Variants in WNT7B observed in about 807,000 individuals in gnomAD.
WNT7B encodes the protein protein Wnt-7b.
Under a neutral mutation model 38.2 loss-of-function variants are expected in WNT7B, and 19 were observed. The observed-to-expected ratio is 0.50, with a 90% CI of 0.35 to 0.73. The LOEUF (loss-of-function observed/expected upper bound fraction) is 0.73, where lower values mean the gene tolerates loss of function less well. Among genes scored for constraint, WNT7B ranks in the 30% least tolerant of loss-of-function variants. The pLI is 0.01. For missense variants in WNT7B, 423 were observed against 507.9 expected, an observed-to-expected ratio of 0.83 and a Z score of 1.61; for synonymous variants, 243 against 209.3, an observed-to-expected ratio of 1.16 and a Z score of -1.39.
At chr22:45,973,237 G>A (rs1484375066) in intron 1 of WNT7B, among the ~76,000 whole-genome samples, 1 of 152,186 alleles carries the variant, frequency 6.6e-6, no homozygotes, top group South Asian at 2.1e-4. Flanking sequence ...CTCCCTCCTC[G>A]AGTTCCTTTT....
Position 45,923,264 on chromosome 22 carries a change from G to A in WNT7B, c.642C>T (p.Cys214=), listed in dbSNP as rs1367000651. Residue 214 remains cysteine, a synonymous_variant, in exon 4 of 4, where the codon TGC becomes TGT. Transcript: ENST00000339464. ...GVSGSCTTKT[C]WTTLPKFREV... ...CTCGGAACTTGGGCAGCGTGGTCCA[G>A]CAGGTTTTGGTGGTGCAGGAGCCAG... The A allele has an allele frequency of 6.2e-7, 1 of 1,613,604 alleles. No individual in the cohort carries two copies. Among genetic ancestry groups the A allele is most frequent in the East Asian group, 2.2e-5 (1 of 44,882 alleles).
Position 45,965,370 on chromosome 22 carries a change from A to G in WNT7B, c.71+11314T>C, listed in dbSNP as rs2146749256. On this transcript the variant is annotated intron_variant, in intron 1 of 3. Coordinates refer to ENST00000339464, the MANE Select transcript of WNT7B (RefSeq NM_058238.3). This position sits in a 1 kb window ranked among gnomAD's most constrained non-coding sequence, Gnocchi z 6.5. ...GCGGTAGGGACTTTCCTTCCCAGTC[A>G]CACCTGCACACCTGGCCAGCCCTGA... 6.6e-6 allele frequency among the ~76,000 whole-genome samples: 1 copy of G among 152,214 alleles called. No individual in the cohort carries two copies. Among genetic ancestry groups the G allele is most frequent in the East Asian group, 1.9e-4 (1 of 5,166 alleles).
At chr22:45,941,393 C>G (rs1931643708) in intron 2 of WNT7B, among the ~76,000 whole-genome samples, 1 of 151,600 alleles carries the variant, frequency 6.6e-6, no homozygotes, top group Non-Finnish European at 1.5e-5. Context: ...GGCCTGTAAT[C>G]CCAGCTACTC....
rs1431326679 is a variant in WNT7B at position 45,929,082 on chromosome 22, G to A, written c.570+2016C>T. ...GAGAGTTTCTTCCCCGGGGGTGTGG[G>A]AAAGGCTCTGCTCAGAACCTAAGCA... On this transcript the variant is annotated intron_variant, in intron 3 of 3. Coordinates refer to ENST00000339464, the MANE Select transcript of WNT7B (RefSeq NM_058238.3). Among the ~76,000 whole-genome samples the A allele has an allele frequency of 2.6e-5, 4 of 152,280 alleles. No individual in the cohort carries two copies. In the South Asian group the frequency reaches 6.2e-4, roughly 24 times the overall value.
rs560357361 is a variant in WNT7B at position 45,946,902 on chromosome 22, C to T, written c.298+3018G>A. ...AGATTTAGGCACAGCCCAAGGTCAACGCCTGAAAGGGGCTGTCCCACCCAC... is the reference window on the plus strand; with the variant it reads ...AGATTTAGGCACAGCCCAAGGTCAATGCCTGAAAGGGGCTGTCCCACCCAC... On this transcript the variant is annotated intron_variant, in intron 2 of 3. Coordinates refer to ENST00000339464, the MANE Select transcript of WNT7B (RefSeq NM_058238.3). Among the ~76,000 whole-genome samples, 31 of 152,328 alleles carry T rather than the reference C, an allele frequency of 2.0e-4. No homozygotes were observed. In the East Asian group the frequency reaches 2.7e-3, roughly 13 times the overall value.
chr22:45,958,632 G>A (rs1009352693), intron 1 of WNT7B, among the ~76,000 whole-genome samples: 2 of 152,172 alleles, frequency 1.3e-5, no homozygotes, highest in Non-Finnish European at 2.9e-5. Context: ...AGGAATCGGA[G>A]GTCCAGAAAA....
chr22:45,964,508 G>C (rs1305517775), intron 1 of WNT7B, among the ~76,000 whole-genome samples: 1 of 152,240 alleles, frequency 6.6e-6, no homozygotes, highest in East Asian at 1.9e-4. Flanking sequence ...CCTTCCTAGT[G>C]GGGGTGTCAG....
intron 2 of WNT7B, among the ~76,000 whole-genome samples, chr22:45,937,907 G>A (rs1453115278): frequency 6.6e-6 from 1 of 152,156 alleles, no homozygotes; most frequent in African/African-American, 2.4e-5. Flanking sequence ...TACCTGGGAG[G>A]TTGAGGTAGG....
At chr22:45,926,256 T>G in intron 3 of WNT7B, 1 of 985,350 alleles carries the variant, frequency 1.0e-6, no homozygotes, top group Non-Finnish European at 1.2e-6. Context: ...GTGCCAGCAC[T>G]GAGACCGGCC....
At chr22:45,932,829 C>T (rs998718495) in intron 2 of WNT7B, among the ~76,000 whole-genome samples, 3 of 152,248 alleles carry the variant, frequency 2.0e-5, no homozygotes, top group African/African-American at 7.2e-5. Context: ...CAGCTGGAGA[C>T]TCACACTGCT....
chr22:45,947,021 C>T (rs1332606970), intron 2 of WNT7B, among the ~76,000 whole-genome samples: 2 of 152,212 alleles, frequency 1.3e-5, no homozygotes, highest in Non-Finnish European at 2.9e-5. Flanking sequence ...ACCTATGGCC[C>T]AGCTCCCAGC....
intron 2 of WNT7B, among the ~76,000 whole-genome samples, chr22:45,933,861 G>A (rs1456986916): frequency 1.3e-5 from 2 of 152,228 alleles, no homozygotes; most frequent in Non-Finnish European, 2.9e-5. Flanking sequence ...AGTGGCCACA[G>A]AGGAGGGGGA....
rs1601710488 is a variant in WNT7B at position 45,920,673 on chromosome 22, T to G, written c.*2183A>C. The G allele has an allele frequency of 1.6e-5, 1 of 63,320 alleles. No individual in the cohort carries two copies. Among genetic ancestry groups the G allele is most frequent in the African/African-American group, 7.8e-5 (1 of 12,804 alleles). The allele number at this position is 63,320 out of a possible 1,614,324, so 3.9% of individuals were successfully genotyped here. A position where few individuals can be genotyped will look rare whatever the true frequency, so the allele number is the denominator to read the frequency against. ...GGGGGGTGGGTATGGGGAATAGGGA[T>G]GAGGGATGGGATGGGGGATGGGGTC... On this transcript the variant is annotated 3_prime_UTR_variant, in exon 4 of 4. Coordinates refer to ENST00000339464, the MANE Select transcript of WNT7B (RefSeq NM_058238.3).
At chr22:45,969,193 G>A (rs1027743400) in intron 1 of WNT7B, among the ~76,000 whole-genome samples, 6 of 152,222 alleles carry the variant, frequency 3.9e-5, no homozygotes, top group South Asian at 4.1e-4. Flanking sequence ...TGGCGGGGCC[G>A]TGGTAAGTGC....
chr22:45,927,690 G>A lies in WNT7B; in HGVS notation c.570+3408C>T, dbSNP rs1051082089. ...GCGGGCAGATCACCTGAGGTTAGGG[G>A]TTCAAGACCAGCCTGGGCAACATGG... On this transcript the variant is annotated intron_variant, in intron 3 of 3. Transcript: ENST00000339464. 3 of 696,864 alleles carry A rather than the reference G, an allele frequency of 4.3e-6. No homozygotes were observed. In the African/African-American group the frequency reaches 5.3e-5, roughly 12 times the overall value. The allele number at this position is 696,864 out of a possible 1,614,324, so 43.2% of individuals were successfully genotyped here. A position where few individuals can be genotyped will look rare whatever the true frequency, so the allele number is the denominator to read the frequency against.
intron 2 of WNT7B, among the ~76,000 whole-genome samples, chr22:45,932,122 C>T (rs1348045388): frequency 2.6e-5 from 4 of 152,144 alleles, no homozygotes; most frequent in African/African-American, 9.7e-5. Flanking sequence ...TGGTTCCCTC[C>T]AAGGGCAGTC....
intron 2 of WNT7B, among the ~76,000 whole-genome samples, chr22:45,945,509 C>T (rs1048084652): frequency 2.0e-5 from 3 of 152,238 alleles, no homozygotes; most frequent in African/African-American, 7.2e-5. Context: ...TCTTCAAAAT[C>T]CATGCATATC....
At chr22:45,957,028 C>G (rs918431326) in intron 1 of WNT7B, among the ~76,000 whole-genome samples, 1 of 150,934 alleles carries the variant, frequency 6.6e-6, no homozygotes, top group Non-Finnish European at 1.5e-5. Context: ...ATCGCTTGAA[C>G]CAGGCAGTTG....
intron 2 of WNT7B, among the ~76,000 whole-genome samples, chr22:45,937,321 G>C (rs1447173967): frequency 6.6e-6 from 1 of 152,248 alleles, no homozygotes; most frequent in African/African-American, 2.4e-5. Context: ...CTCAGAGTCT[G>C]ACACCCTGCC....
Sources: gnomAD v4.1 joint callset for allele counts (sites outside exome capture counted in the v4.1 genomes callset) on GRCh38, gnomAD v4.1.1 for gene constraint, Gnocchi (gnomAD v3.1) non-coding constraint, MANE v1.5 for transcripts, NCBI Gene and HGNC (gene_info 2026-07-23, HGNC 2026-07-21) for gene names.